The following RAB7B variants were observed in gnomAD, a reference collection of about 807,000 sequenced individuals.
RAB7B encodes the protein RAB7B, member RAS oncogene family.
rs1039926849 is a variant in RAB7B at position 205,978,342 on chromosome 1, C to G, written c.*509G>C. 6.6e-6 allele frequency: 1 copy of G among 152,318 alleles called. No homozygotes were observed. Among genetic ancestry groups the G allele is most frequent in the Non-Finnish European group, 1.5e-5 (1 of 68,192 alleles). The allele number at this position is 152,318 out of a possible 1,614,324, so 9.4% of individuals were successfully genotyped here. A position where few individuals can be genotyped will look rare whatever the true frequency, so the allele number is the denominator to read the frequency against. Reference sequence around the variant, plus strand: ...CGACAGCTTCTGCCAGGAGCTGAGGCGGGCCCAGCATGTGGGGTCCAGACC... The same window carrying G: ...CGACAGCTTCTGCCAGGAGCTGAGGGGGGCCCAGCATGTGGGGTCCAGACC... On this transcript the variant is annotated 3_prime_UTR_variant, in exon 6 of 6. Transcript: ENST00000617070.
chr1:205,995,011 CA>C (rs1285753912), intron 1 of RAB7B, among the ~76,000 whole-genome samples: 4 of 152,034 alleles, frequency 2.6e-5, no homozygotes, highest in Non-Finnish European at 2.9e-5. Context: ...TTGCAAGGAA[CA>C]AAAACCAAAC....
At chr1:205,988,234 T>G (rs1213348730) in intron 4 of RAB7B, among the ~76,000 whole-genome samples, 1 of 28,346 alleles carries the variant, frequency 3.5e-5, no homozygotes, top group African/African-American at 4.7e-5. Flanking sequence ...GTGTGGGTTT[T>G]TTTTTTTTTT....
intron 4 of RAB7B, 150 bp downstream of exon 4, chr1:205,992,330 A>G: frequency 2.5e-6 from 1 of 396,176 alleles, no homozygotes. Context: ...ATTACCTTTT[A>G]AAATGTCTGT....
At chr1:205,991,145 C>T (rs1660715934) in intron 4 of RAB7B, among the ~76,000 whole-genome samples, 1 of 152,160 alleles carries the variant, frequency 6.6e-6, no homozygotes, top group Admixed American at 6.5e-5. Flanking sequence ...CTTCCTGCTT[C>T]ACTCCTGACA....
At chr1:205,988,100 C>T (rs1305779854) in intron 4 of RAB7B, among the ~76,000 whole-genome samples, 6 of 151,988 alleles carry the variant, frequency 3.9e-5, no homozygotes, top group African/African-American at 1.5e-4. Context: ...ATTGTATTCA[C>T]ATTGTACATT....
chr1:205,991,749 A>C (rs961950215), intron 4 of RAB7B, among the ~76,000 whole-genome samples: 16,116 of 152,254 alleles, frequency 0.11, 1,010 homozygotes, highest in Middle Eastern at 0.15. Context: ...TGGTTTAAAC[A>C]GCTCTTTTTG....
intron 1 of RAB7B, among the ~76,000 whole-genome samples, chr1:205,999,889 TC>T (rs1660864967): frequency 6.6e-6 from 1 of 152,168 alleles, no homozygotes; most frequent in Non-Finnish European, 1.5e-5. Flanking sequence ...CCCCTCAACC[TC>T]CCAGGTAGCT....
chr1:205,985,822 A>ACCATCCCCACCATCCCCACCAGGCCCC, intron 4 of RAB7B, among the ~76,000 whole-genome samples, 157 bp from the exon 5 acceptor site: 1 of 145,898 alleles, frequency 6.9e-6, no homozygotes, highest in African/African-American at 2.6e-5. Context: ...CACCAGGCCC[A>ACCATCCCCACCATCCCCACCAGGCCCC]CCATCCCCAC....
chr1:205,985,931 T>C (rs1328489085), intron 4 of RAB7B, among the ~76,000 whole-genome samples: 1 of 143,090 alleles, frequency 7.0e-6, no homozygotes, highest in East Asian at 2.1e-4. Context: ...ATTTCACAGA[T>C]GAAAAAACGG....
intron 4 of RAB7B, among the ~76,000 whole-genome samples, chr1:205,990,311 G>A (rs1306903149): frequency 1.3e-5 from 2 of 152,192 alleles, no homozygotes; most frequent in Non-Finnish European, 2.9e-5. Flanking sequence ...AACAGTTAAG[G>A]ACTCATCTCT....
intron 4 of RAB7B, 72 bp from the exon 5 acceptor site, chr1:205,985,737 C>G (rs894939271): frequency 3.2e-5 from 2 of 61,940 alleles, no homozygotes; most frequent in Admixed American, 2.4e-4. Context: ...ACCATCACAT[C>G]CCCACCATCC....
At chr1:205,989,887 C>A (rs1660686998) in intron 4 of RAB7B, among the ~76,000 whole-genome samples, 1 of 152,200 alleles carries the variant, frequency 6.6e-6, no homozygotes, top group East Asian at 1.9e-4. Flanking sequence ...TCCTTGTCCC[C>A]AAGTAGCTCC....
intron 4 of RAB7B, among the ~76,000 whole-genome samples, chr1:205,991,361 A>G (rs2102639370): frequency 6.6e-6 from 1 of 152,212 alleles, no homozygotes; most frequent in East Asian, 1.9e-4. Flanking sequence ...ATTTGTAATT[A>G]GAGAATTGAC....
At chr1:205,999,243 A>G (rs975047238) in intron 1 of RAB7B, among the ~76,000 whole-genome samples, 1 of 152,184 alleles carries the variant, frequency 6.6e-6, no homozygotes, top group Non-Finnish European at 1.5e-5. Flanking sequence ...TGAGACATAT[A>G]ACAGGTCGCT....
At chr1:205,985,342 GCTTTCTAC>G (rs1660572188) in intron 5 of RAB7B, among the ~76,000 whole-genome samples, 190 bp downstream of exon 5, 1 of 152,152 alleles carries the variant, frequency 6.6e-6, no homozygotes, top group Non-Finnish European at 1.5e-5. Context: ...CTCTAAGGTA[GCTTTCTAC>G]CTCTGGCATT....
intron 4 of RAB7B, among the ~76,000 whole-genome samples, chr1:205,990,791 CT>C (rs1188419083): frequency 2.2e-5 from 3 of 138,636 alleles, no homozygotes; most frequent in African/African-American, 2.7e-5. Flanking sequence ...TTCTTTCTTT[CT>C]TTTTTTTTTT....
chr1:205,986,832 T>C (rs986419863), intron 4 of RAB7B, among the ~76,000 whole-genome samples: 23 of 152,256 alleles, frequency 1.5e-4, no homozygotes, highest in Non-Finnish European at 2.5e-4. Context: ...GAAAGGACCA[T>C]TCCACCCCTC....
intron 1 of RAB7B, among the ~76,000 whole-genome samples, chr1:205,997,833 C>T (rs1361041179): frequency 6.6e-6 from 1 of 152,180 alleles, no homozygotes; most frequent in African/African-American, 2.4e-5. Flanking sequence ...AAAAGCAACA[C>T]AATGCCTTAG....
In RAB7B at chr1:206,003,308, T is replaced by G. The variant is rs2102258532; in HGVS notation, c.-72A>C. 6.6e-6 allele frequency: 1 copy of G among 152,318 alleles called. No homozygotes were observed. Among genetic ancestry groups the G allele is most frequent in the Non-Finnish European group, 1.5e-5 (1 of 68,088 alleles). The allele number at this position is 152,318 out of a possible 1,614,324, so 9.4% of individuals were successfully genotyped here. A position where few individuals can be genotyped will look rare whatever the true frequency, so the allele number is the denominator to read the frequency against. ...TCTGAGGGCAGCTGGGAGTCCTCTC[T>G]CAGTCTGGTGGTCTCTTCTTAGAGC... On this transcript the variant is annotated 5_prime_UTR_variant, in exon 1 of 6. Coordinates refer to ENST00000617070, the MANE Select transcript of RAB7B (RefSeq NM_001164522.3).
Sources: gnomAD v4.1 joint callset for allele counts (sites outside exome capture counted in the v4.1 genomes callset) on GRCh38, gnomAD v4.1.1 for gene constraint, MANE v1.5 for transcripts, NCBI Gene and HGNC (gene_info 2026-07-23, HGNC 2026-07-21) for gene names.